The following SMAP2 variants were observed in gnomAD, a reference collection of about 807,000 sequenced individuals.
SMAP2 encodes stromal membrane-associated protein 2.
In SMAP2, 25 loss-of-function variants were observed where a neutral mutation model predicts 56.4. That is an observed-to-expected ratio of 0.44 (90% CI 0.32 to 0.62). SMAP2 has a LOEUF of 0.62. SMAP2 is among the 20% of genes least tolerant of loss of function. The probability of loss-of-function intolerance (pLI) is 0.04; values close to 1 mark genes in which losing one functional copy is unlikely to be tolerated. For synonymous variants in SMAP2, 157 were observed against 181.7 expected (o/e 0.86, Z 1.09); for missense variants, 388 against 545.6 (o/e 0.71, Z 2.88).
chr1:40,397,075 T>C (rs1280265450), intron 1 of SMAP2, among the ~76,000 whole-genome samples: 1 of 152,248 alleles, frequency 6.6e-6, no homozygotes, highest in African/African-American at 2.4e-5. Context: ...CAGTGCCTGG[T>C]ATAGGCTCCA....
chr1:40,371,127 C>T (rs1033180525), upstream of SMAP2, among the ~76,000 whole-genome samples: 5 of 151,976 alleles, frequency 3.3e-5, no homozygotes, highest in African/African-American at 7.2e-5. Flanking sequence ...GAGCCGAGAT[C>T]GCACCACTGC....
Position 40,415,275 on chromosome 1 carries a change from C to T in SMAP2, c.575C>T (p.Ala192Val), listed in dbSNP as rs770575397. 2 of 1,611,576 alleles carry T rather than the reference C, an allele frequency of 1.2e-6. No homozygotes were observed. Among genetic ancestry groups the T allele is most frequent in the Non-Finnish European group, 1.7e-6 (2 of 1,177,726 alleles). ...APVMDLLGLDAPVACSIANSK... is the reference protein window; with the variant it reads ...APVMDLLGLDVPVACSIANSK... Reference sequence around the variant, plus strand: ...TAACTTCGATCTCTCTTTCTAGATGCTCCTGTGGCCTGCTCCATTGCAAAT... The same window carrying T: ...TAACTTCGATCTCTCTTTCTAGATGTTCCTGTGGCCTGCTCCATTGCAAAT... The change falls in exon 7 of 10, where the codon GCT (alanine) becomes GTT (valine). Residue 192 changes from alanine (A) to valine (V), a missense_variant. Ala to Val is a moderately conservative substitution (Grantham distance 64). Transcript: ENST00000372718.
chr1:40,373,342 G>C (rs2124197121), upstream of SMAP2, among the ~76,000 whole-genome samples: 1 of 152,274 alleles, frequency 6.6e-6, no homozygotes, highest in African/African-American at 2.4e-5. Context: ...GAGGACTTTG[G>C]GGTATCAACA....
At chr1:40,392,434 T>A (rs546135611) in intron 1 of SMAP2, among the ~76,000 whole-genome samples, 1 of 152,150 alleles carries the variant, frequency 6.6e-6, no homozygotes, top group African/African-American at 2.4e-5. Flanking sequence ...ATTACCCACA[T>A]GGAGTCTTCA....
At chr1:40,393,445 C>T in intron 1 of SMAP2, 1 of 1,534,808 alleles carries the variant, frequency 6.5e-7, no homozygotes, top group Non-Finnish European at 8.7e-7. Context: ...GCAAGATTTG[C>T]ACAAAAAGAT....
intron 4 of SMAP2, among the ~76,000 whole-genome samples, chr1:40,410,868 C>A (rs1339600870): frequency 6.6e-6 from 1 of 152,140 alleles, no homozygotes; most frequent in Admixed American, 6.5e-5. Context: ...ACAGAAAATT[C>A]TCTTAGGAAT....
At chr1:40,373,004 A>G (rs902557556), upstream of SMAP2, among the ~76,000 whole-genome samples, 1 of 152,238 alleles carries the variant, frequency 6.6e-6, no homozygotes, top group African/African-American at 2.4e-5. Flanking sequence ...TTTAATAATC[A>G]TTTTTAAGGA....
At chr1:40,353,612 CA>C (rs1354614554) in intron 1 of SMAP2, among the ~76,000 whole-genome samples, 3 of 152,144 alleles carry the variant, frequency 2.0e-5, no homozygotes, top group African/African-American at 7.2e-5. Flanking sequence ...TCAAGTGACC[CA>C]CCCTCCTTGG....
At chr1:40,411,184 A>C (rs1023542471) in intron 4 of SMAP2, among the ~76,000 whole-genome samples, 1 of 152,238 alleles carries the variant, frequency 6.6e-6, no homozygotes, top group African/African-American at 2.4e-5. Context: ...CTGTGTATGA[A>C]GGACTCTTAC....
intron 1 of SMAP2, among the ~76,000 whole-genome samples, chr1:40,383,321 T>C (rs896407814): frequency 2.0e-5 from 3 of 152,192 alleles, no homozygotes; most frequent in African/African-American, 7.2e-5. Context: ...TGCTCCCTGC[T>C]CCTGCCTCTT....
At chr1:40,356,415 G>GTT (rs1205631860) in intron 1 of SMAP2, among the ~76,000 whole-genome samples, 15 of 134,122 alleles carry the variant, frequency 1.1e-4, no homozygotes, top group East Asian at 2.2e-4. Context: ...GTTTTTTTTT[G>GTT]TTTTTTTTTT....
chr1:40,357,473 C>CAAA (rs202073076), intron 1 of SMAP2, among the ~76,000 whole-genome samples: 62 of 141,602 alleles, frequency 4.4e-4, no homozygotes, highest in East Asian at 4.1e-3. Flanking sequence ...ACAACAACCA[C>CAAA]AAAAAAAAAA....
At chr1:40,354,371 C>T (rs1290815060) in intron 1 of SMAP2, among the ~76,000 whole-genome samples, 1 of 152,104 alleles carries the variant, frequency 6.6e-6, no homozygotes, top group African/African-American at 2.4e-5. Flanking sequence ...GATGGAGTCT[C>T]GCTCTGTCGC....
Position 40,408,888 on chromosome 1 carries a change from A to G in SMAP2, c.323+150A>G, listed in dbSNP as rs1569906770. 1 of 593,296 alleles carries G rather than the reference A, an allele frequency of 1.7e-6. No homozygotes were observed. The highest frequency in any genetic ancestry group is 1.9e-5 in the African/African-American group (1 of 52,880). The allele number at this position is 593,296 out of a possible 1,614,324, so 36.8% of individuals were successfully genotyped here. On this transcript the variant is annotated intron_variant, in intron 3 of 9. Transcript: ENST00000372718. The surrounding 1 kb of genome is among the most constrained non-coding windows in gnomAD (Gnocchi z 4.3). ...GTCCTCTGTCCTGCAATCAAGGTGC[A>G]CAAAAAGCACATGTATTTGTGAATG...
intron 1 of SMAP2, chr1:40,393,503 CTG>C (rs1557835710): frequency 6.6e-7 from 1 of 1,509,264 alleles, no homozygotes; most frequent in Non-Finnish European, 8.9e-7. Context: ...TTGTGAGAGA[CTG>C]TAAGTTGATC....
At chr1:40,375,688 G>A in intron 1 of SMAP2, 1 of 506,646 alleles carries the variant, frequency 2.0e-6, no homozygotes, top group African/African-American at 2.1e-5. Context: ...GGAAGATTTG[G>A]TTTATTTTAG....
chr1:40,410,471 G>T lies in SMAP2; in HGVS notation c.402+636G>T, dbSNP rs990461725. Among the ~76,000 whole-genome samples, 14 of 151,694 alleles carry T rather than the reference G, an allele frequency of 9.2e-5. 1 individual carries two copies. The highest frequency in any genetic ancestry group is 5.8e-4 in the East Asian group (3 of 5,172). On this transcript the variant is annotated intron_variant, in intron 4 of 9. Coordinates refer to ENST00000372718, the MANE Select transcript of SMAP2 (RefSeq NM_022733.3). ...TACTACAGCTATATCTATCTACATA[G>T]ATATATACACACATATATACTTTTT... is the stretch of plus-strand genomic sequence containing the variant.
chr1:40,423,039 T>G lies in SMAP2; in HGVS notation c.*938T>G, dbSNP rs779202251. ...GCCTAAAACTGTTGTGTTTTTCTTA[T>G]GGTTTAAAAAACGCCATGTCATTGA... On this transcript the variant is annotated 3_prime_UTR_variant, in exon 10 of 10. Coordinates refer to ENST00000372718, the MANE Select transcript of SMAP2 (RefSeq NM_022733.3). 2 of 150,376 alleles carry G rather than the reference T, an allele frequency of 1.3e-5. No individual in the cohort carries two copies. The highest frequency in any genetic ancestry group is 5.1e-5 in the African/African-American group (2 of 39,284). The allele number at this position is 150,376 out of a possible 1,614,324, so 9.3% of individuals were successfully genotyped here. A position where few individuals can be genotyped will look rare whatever the true frequency, so the allele number is the denominator to read the frequency against.
At chr1:40,355,232 G>A (rs941859648) in intron 1 of SMAP2, among the ~76,000 whole-genome samples, 2 of 152,090 alleles carry the variant, frequency 1.3e-5, no homozygotes, top group African/African-American at 2.4e-5. Flanking sequence ...GCACTCTTCC[G>A]GCCTCTACTC....
Sources: allele counts gnomAD v4.1 joint callset (sites outside exome capture counted in the v4.1 genomes callset), GRCh38; gene constraint gnomAD v4.1.1; non-coding constraint Gnocchi (gnomAD v3.1); transcripts MANE v1.5; gene names NCBI Gene and HGNC (gene_info 2026-07-23, HGNC 2026-07-21).